SORT1: variants seen among roughly 807,000 people sequenced by gnomAD.
SORT1 encodes sortilin.
Under a neutral mutation model 101.7 loss-of-function variants are expected in SORT1, and 39 were observed. The observed-to-expected ratio is 0.38, with a 90% CI of 0.30 to 0.50. The LOEUF (loss-of-function observed/expected upper bound fraction) is 0.50, where lower values mean the gene tolerates loss of function less well. SORT1 is among the 20% of genes least tolerant of loss of function. The probability of loss-of-function intolerance (pLI) is 0.90; values close to 1 mark genes in which losing one functional copy is unlikely to be tolerated. For synonymous variants in SORT1, 396 were observed against 393.7 expected, an observed-to-expected ratio of 1.01 and a Z score of -0.07; for missense variants, 878 against 1,040.4, an observed-to-expected ratio of 0.84 and a Z score of 2.15.
Position 109,393,129 on chromosome 1 carries a change from T to C in SORT1, c.306+4458A>G, listed in dbSNP as rs904958888. ...CCTCTGACAGGCACACTCAGTCCTGTCAGCTTGGACTCAACCCTGCCAGAG... is the reference window on the plus strand; with the variant it reads ...CCTCTGACAGGCACACTCAGTCCTGCCAGCTTGGACTCAACCCTGCCAGAG... On this transcript the variant is annotated intron_variant, in intron 1 of 19. Transcript: ENST00000256637. The C allele has an allele frequency of 3.3e-5, 33 of 985,322 alleles. No homozygotes were observed. The African/African-American group carries it at 5.2e-4, about 16-fold the overall frequency. The allele number at this position is 985,322 out of a possible 1,614,324, so 61.0% of individuals were successfully genotyped here. A position where few individuals can be genotyped will look rare whatever the true frequency, so the allele number is the denominator to read the frequency against.
chr1:109,393,207 G>T (rs1212807553), intron 1 of SORT1: 2 of 985,266 alleles, frequency 2.0e-6, no homozygotes, highest in Non-Finnish European at 1.2e-6. Flanking sequence ...ATACAACACG[G>T]CCTCTCTACA....
intron 17 of SORT1, 35 bp from the exon 18 acceptor site, chr1:109,314,813 G>T: frequency 8.2e-7 from 1 of 1,226,856 alleles, no homozygotes; most frequent in Non-Finnish European, 1.2e-6. Flanking sequence ...AAAAGTTTTA[G>T]GCATGCATAT....
intron 11 of SORT1, among the ~76,000 whole-genome samples, chr1:109,329,222 A>T (rs189582227): frequency 1.3e-5 from 2 of 152,294 alleles, no homozygotes; most frequent in East Asian, 3.9e-4. Context: ...ATTCCACTCA[A>T]ATGGTAGCCA....
chr1:109,385,051 C>T (rs539078428), intron 1 of SORT1, among the ~76,000 whole-genome samples: 1 of 152,172 alleles, frequency 6.6e-6, no homozygotes, highest in East Asian at 1.9e-4. Context: ...GCACTCCAGC[C>T]TGGACAATAG....
chr1:109,394,804 T>C (rs1343465), intron 1 of SORT1, among the ~76,000 whole-genome samples: 98,529 of 152,028 alleles, frequency 0.65, 33,767 homozygotes, highest in East Asian at 0.96. Context: ...TTAAAAGAAA[T>C]AAGAGAACCA....
intron 10 of SORT1, among the ~76,000 whole-genome samples, chr1:109,337,377 G>C (rs1007508514): frequency 2.6e-5 from 4 of 151,946 alleles, no homozygotes; most frequent in Non-Finnish European, 1.5e-5. Context: ...CTCTGGAGTA[G>C]ATGGGATTAC....
chr1:109,343,457 AC>A (rs772951882), intron 8 of SORT1, among the ~76,000 whole-genome samples: 1 of 151,656 alleles, frequency 6.6e-6, no homozygotes, highest in Non-Finnish European at 1.5e-5. Flanking sequence ...TCTCTTTCCA[AC>A]CTTTCAGTTG....
At chr1:109,376,286 G>A (rs1405999748) in intron 1 of SORT1, among the ~76,000 whole-genome samples, 1 of 146,976 alleles carries the variant, frequency 6.8e-6, no homozygotes, top group African/African-American at 2.5e-5. Flanking sequence ...AGCCGTGATC[G>A]CGCCACCGCA....
chr1:109,327,736 T>C, intron 11 of SORT1, 135 bp from the exon 12 acceptor site: 1 of 512,050 alleles, frequency 2.0e-6, no homozygotes. Context: ...ACTATTTATT[T>C]ACTATTTAGG....
intron 11 of SORT1, among the ~76,000 whole-genome samples, chr1:109,328,746 G>C (rs1648250632): frequency 6.6e-6 from 1 of 152,176 alleles, no homozygotes; most frequent in South Asian, 2.1e-4. Context: ...AAATAAACTT[G>C]ATAAGCACCT....
At chr1:109,355,656 C>G (rs868416091) in intron 3 of SORT1, among the ~76,000 whole-genome samples, 187 bp from the exon 4 acceptor site, 4 of 129,412 alleles carry the variant, frequency 3.1e-5, no homozygotes, top group Admixed American at 2.2e-4. Context: ...CCCCCCCCCC[C>G]ACAAACCCAC....
At chr1:109,351,320 A>G (rs1649944246) in intron 5 of SORT1, among the ~76,000 whole-genome samples, 2 of 152,228 alleles carry the variant, frequency 1.3e-5, no homozygotes, top group African/African-American at 4.8e-5. Context: ...AGGCGCATAG[A>G]TAAGAAGAAA....
chr1:109,377,852 G>A (rs146721558), intron 1 of SORT1, among the ~76,000 whole-genome samples: 3 of 152,240 alleles, frequency 2.0e-5, no homozygotes, highest in African/African-American at 7.2e-5. Context: ...AATTTTCAAA[G>A]AACACCACAA....
intron 5 of SORT1, among the ~76,000 whole-genome samples, chr1:109,353,890 G>T (rs938529699): frequency 6.6e-6 from 1 of 152,136 alleles, no homozygotes; most frequent in Non-Finnish European, 1.5e-5. Context: ...TAGGAACGTG[G>T]TAGGGAGCGC....
rs867823170 is a variant in SORT1, at chr1:109,310,086, G to A, written c.*3957C>T. ...CACCCGCTTGTGGCTGAGGGCATGCGGAGGATGAGAACTACATTAAGGATC... is the reference window on the plus strand; with the variant it reads ...CACCCGCTTGTGGCTGAGGGCATGCAGAGGATGAGAACTACATTAAGGATC... On this transcript the variant is annotated 3_prime_UTR_variant, in exon 20 of 20. Transcript: ENST00000256637. The A allele has an allele frequency of 5.9e-5, 9 of 152,534 alleles. No individual in the cohort carries two copies. Among genetic ancestry groups the A allele is most frequent in the East Asian group, 3.9e-4 (2 of 5,194 alleles). 9.4% of individuals were successfully genotyped at this position (152,534 alleles called of 1,614,324 possible).
chr1:109,348,170 T>A (rs988749507), intron 6 of SORT1, among the ~76,000 whole-genome samples: 1 of 152,200 alleles, frequency 6.6e-6, no homozygotes, highest in African/African-American at 2.4e-5. Flanking sequence ...CCATCTCAAA[T>A]GGACAACTAG....
Position 109,327,116 on chromosome 1 carries a change from T to C in SORT1, c.1519A>G (p.Ile507Val), listed in dbSNP as rs772041795. 2 of 1,613,802 alleles carry C rather than the reference T, an allele frequency of 1.2e-6. No individual in the cohort carries two copies. Among genetic ancestry groups the C allele is most frequent in the Non-Finnish European group, 1.7e-6 (2 of 1,179,930 alleles). Reference sequence around the variant, plus strand: ...CAGGAGTAACCCCCATCATCTGAGATGTACACATCTGGAACCATCACTGAG... The same window carrying C: ...CAGGAGTAACCCCCATCATCTGAGACGTACACATCTGGAACCATCACTGAG... Reference protein sequence around the residue: ...AISVMVPDVYISDDGGYSWTK... With the variant: ...AISVMVPDVYVSDDGGYSWTK... The change falls in exon 13 of 20, where the codon ATC (isoleucine) becomes GTC (valine). Residue 507 changes from isoleucine (I) to valine (V), a missense_variant. By Grantham distance (29) the Ile-to-Val change is conservative. This residue lies in a region of SORT1 where 684 missense variants were observed against 894.5 expected (regional missense o/e 0.76). Transcript: ENST00000256637.
intron 18 of SORT1, 109 bp downstream of exon 18, chr1:109,314,562 GA>G (rs1190316816): frequency 1.9e-6 from 2 of 1,078,782 alleles, no homozygotes; most frequent in Non-Finnish European, 2.7e-6. Flanking sequence ...GATTTTTCAG[GA>G]ACAGTACTGC....
chr1:109,357,756 T>C (rs551082857), intron 3 of SORT1, among the ~76,000 whole-genome samples: 1 of 152,162 alleles, frequency 6.6e-6, no homozygotes, highest in Non-Finnish European at 1.5e-5. Flanking sequence ...AATGACTCTA[T>C]CCTTCCTTAA....
Sources: allele counts gnomAD v4.1 joint callset (sites outside exome capture counted in the v4.1 genomes callset), GRCh38; gene constraint gnomAD v4.1.1; regional missense constraint gnomAD v4.1.1; transcripts MANE v1.5; gene names NCBI Gene and HGNC (gene_info 2026-07-23, HGNC 2026-07-21).